The following SYT16 variants were observed in gnomAD, a reference collection of about 807,000 sequenced individuals.
SYT16 encodes synaptotagmin-16.
SYT16 carries 42 observed loss-of-function variants against 61.4 expected under a neutral mutation model. The ratio of observed to expected loss-of-function variants is 0.68; its 90% CI spans 0.53 to 0.89. The LOEUF is 0.89. Ranked by LOEUF, SYT16 falls within the 40% of genes least tolerant of loss-of-function variation. The pLI is 0.00. For missense variants in SYT16, 804 were observed against 807.3 expected (o/e 1.00, Z 0.05); for synonymous variants, 314 against 302.3 (o/e 1.04, Z -0.40).
chr14:62,055,946 A>G (rs2055534322), intron 3 of SYT16, among the ~76,000 whole-genome samples: 1 of 152,124 alleles, frequency 6.6e-6, no homozygotes, highest in East Asian at 1.9e-4. Context: ...AAGAGTCCCA[A>G]AGCTGAAGAA....
rs992126593 is a variant in SYT16, at chr14:62,106,514, C to G, written c.*5807C>G. ...TCTGCTAAAGAAGAATGAGAGGACACCCATGAATATACCCTTTATAAAGTT... is the reference window on the plus strand; with the variant it reads ...TCTGCTAAAGAAGAATGAGAGGACAGCCATGAATATACCCTTTATAAAGTT... On this transcript the variant is annotated 3_prime_UTR_variant, in exon 8 of 8. Transcript: ENST00000683842. 3.9e-5 allele frequency: 6 copies of G among 152,088 alleles called. No homozygotes were observed. Among genetic ancestry groups the G allele is most frequent in the African/African-American group, 1.4e-4 (6 of 41,420 alleles). The allele number at this position is 152,088 out of a possible 1,614,324, so 9.4% of individuals were successfully genotyped here.
intron 1 of SYT16, among the ~76,000 whole-genome samples, chr14:61,844,828 A>G (rs2046395282): frequency 6.6e-6 from 1 of 152,070 alleles, no homozygotes; most frequent in South Asian, 2.1e-4. Context: ...CATCAGAGAT[A>G]TTGGGCTACA....
chr14:61,859,148 C>T (rs890367333), intron 1 of SYT16, among the ~76,000 whole-genome samples: 5 of 151,934 alleles, frequency 3.3e-5, no homozygotes, highest in African/African-American at 7.3e-5. Flanking sequence ...CGTGAGCCAC[C>T]GCGCCCGGCC....
chr14:62,045,975 G>A (rs1387040138), intron 3 of SYT16, among the ~76,000 whole-genome samples: 1 of 152,118 alleles, frequency 6.6e-6, no homozygotes, highest in Non-Finnish European at 1.5e-5. Context: ...CCCAGTAATG[G>A]GATGGCTGGG....
chr14:62,062,130 C>T (rs970949581), intron 3 of SYT16, among the ~76,000 whole-genome samples: 16 of 152,260 alleles, frequency 1.1e-4, no homozygotes, highest in Non-Finnish European at 1.6e-4. Context: ...CAAGTGCCAT[C>T]GCTTTGTTCC....
rs147798457 is a variant in SYT16 at position 61,946,168 on chromosome 14, C to A, written c.-324-23964C>A. Among the ~76,000 whole-genome samples, 1,436 of 152,186 alleles carry A rather than the reference C, an allele frequency of 9.4e-3. 8 individuals carry two copies. The highest frequency in any genetic ancestry group is 0.02 in the Middle Eastern group (6 of 294). On this transcript the variant is annotated intron_variant, in intron 1 of 7. Coordinates refer to ENST00000683842, the MANE Select transcript of SYT16 (RefSeq NM_001367656.1). The stretch of plus-strand genomic sequence containing the variant: ...GCACGTGTATACCTATGTAACAAAC[C>A]TACACGTTCTGCACATGTATCCCGG...
In SYT16 at chr14:62,107,635, G is replaced by A. The variant is rs1254289574; in HGVS notation, c.*6928G>A. 6.6e-6 allele frequency: 1 copy of A among 152,088 alleles called. No individual in the cohort carries two copies. The highest frequency in any genetic ancestry group is 1.5e-5 in the Non-Finnish European group (1 of 67,992). 9.4% of individuals were successfully genotyped at this position (152,088 alleles called of 1,614,324 possible). ...ATTAACCTTGAATTTTTGGCTTAATGTATTTCTGTAATTGTCTCTTTCCCC... is the reference window on the plus strand; with the variant it reads ...ATTAACCTTGAATTTTTGGCTTAATATATTTCTGTAATTGTCTCTTTCCCC... On this transcript the variant is annotated 3_prime_UTR_variant, in exon 8 of 8. Transcript: ENST00000683842.
chr14:61,993,668 C>CT, intron 2 of SYT16, among the ~76,000 whole-genome samples: 1 of 151,902 alleles, frequency 6.6e-6, no homozygotes, highest in East Asian at 1.9e-4. Flanking sequence ...ACCCGAAAAA[C>CT]TTTGAGTGGC....
intron 1 of SYT16, among the ~76,000 whole-genome samples, chr14:61,840,940 A>G (rs1037952723): frequency 2.0e-5 from 3 of 152,114 alleles, no homozygotes; most frequent in African/African-American, 7.2e-5. Context: ...GGAAGGGGAG[A>G]GATGGAGGTG....
intron 1 of SYT16, among the ~76,000 whole-genome samples, chr14:61,855,472 G>A (rs958479134): frequency 1.1e-4 from 16 of 152,152 alleles, no homozygotes; most frequent in African/African-American, 3.4e-4. Flanking sequence ...CTAGAGTTGG[G>A]CAAACTTATC....
intron 3 of SYT16, among the ~76,000 whole-genome samples, chr14:62,052,922 A>G (rs2055374387): frequency 6.6e-6 from 1 of 152,216 alleles, no homozygotes; most frequent in African/African-American, 2.4e-5. Flanking sequence ...TCAGTCTGTG[A>G]TACTTTTTTA....
chr14:61,856,471 T>C (rs773175719), intron 1 of SYT16, among the ~76,000 whole-genome samples: 2 of 152,206 alleles, frequency 1.3e-5, no homozygotes, highest in Non-Finnish European at 2.9e-5. Flanking sequence ...AGACAGGATT[T>C]GCAGACAGAC....
chr14:62,045,436 G>A (rs1040426243), intron 3 of SYT16, among the ~76,000 whole-genome samples: 7 of 151,762 alleles, frequency 4.6e-5, no homozygotes, highest in African/African-American at 1.7e-4. Flanking sequence ...TGTATGTTTT[G>A]TATTTTTCTT....
chr14:61,908,278 A>G (rs1698458343), intron 1 of SYT16, among the ~76,000 whole-genome samples: 3 of 152,238 alleles, frequency 2.0e-5, no homozygotes, highest in Admixed American at 6.5e-5. Flanking sequence ...AATCAAACAT[A>G]TGCCATGGAT....
intron 3 of SYT16, among the ~76,000 whole-genome samples, chr14:62,054,435 A>T (rs530600061): frequency 6.8e-6 from 1 of 146,146 alleles, no homozygotes; most frequent in East Asian, 2.1e-4. Context: ...ATCATGGCTC[A>T]CTGCAGCCTC....
intron 1 of SYT16, among the ~76,000 whole-genome samples, chr14:61,824,713 T>C (rs1324355433): frequency 6.6e-6 from 1 of 152,210 alleles, no homozygotes; most frequent in Non-Finnish European, 1.5e-5. Flanking sequence ...GCTGCCATTT[T>C]TTTCCTGCAT....
intron 1 of SYT16, among the ~76,000 whole-genome samples, chr14:61,876,034 C>G (rs1286534959): frequency 6.6e-6 from 1 of 152,046 alleles, no homozygotes; most frequent in Non-Finnish European, 1.5e-5. Context: ...ATGATAGATG[C>G]TTGATAGAGT....
chr14:61,931,650 G>T (rs894168081), intron 1 of SYT16, among the ~76,000 whole-genome samples: 11 of 152,054 alleles, frequency 7.2e-5, no homozygotes, highest in African/African-American at 2.2e-4. Flanking sequence ...GTCTCATATT[G>T]AACTTTTAGG....
At chr14:61,926,027 A>G (rs747128918) in intron 1 of SYT16, among the ~76,000 whole-genome samples, 2 of 152,174 alleles carry the variant, frequency 1.3e-5, no homozygotes, top group Non-Finnish European at 2.9e-5. Flanking sequence ...GGTACATGAC[A>G]TGCTGTCAAT....
Sources: gnomAD v4.1 joint callset for allele counts (sites outside exome capture counted in the v4.1 genomes callset) on GRCh38, gnomAD v4.1.1 for gene constraint, MANE v1.5 for transcripts, NCBI Gene and HGNC (gene_info 2026-07-23, HGNC 2026-07-21) for gene names.